FNDC3A: variants seen among roughly 807,000 people sequenced by gnomAD.
FNDC3A encodes fibronectin type III domain containing 3A.
FNDC3A carries 32 observed loss-of-function variants against 148.9 expected under a neutral mutation model. That is an observed-to-expected ratio of 0.21 (90% CI 0.16 to 0.29). The LOEUF (loss-of-function observed/expected upper bound fraction) is 0.29, where lower values mean the gene tolerates loss of function less well. Ranked by LOEUF, FNDC3A falls within the 10% of genes least tolerant of loss-of-function variation. The pLI is 1.00. For missense variants in FNDC3A, 1,191 were observed against 1,452.8 expected (o/e 0.82, Z 2.93); for synonymous variants, 472 against 473.6 (o/e 1.00, Z 0.04).
At chr13:49,114,082 A>G (rs1248530390) in intron 3 of FNDC3A, among the ~76,000 whole-genome samples, 1 of 152,086 alleles carries the variant, frequency 6.6e-6, no homozygotes, top group African/African-American at 2.4e-5. Flanking sequence ...CTTTGTTCTT[A>G]AGCCCCCATA....
chr13:49,107,854 AT>A (rs931964973), intron 3 of FNDC3A, among the ~76,000 whole-genome samples: 4 of 152,176 alleles, frequency 2.6e-5, no homozygotes, highest in Non-Finnish European at 5.9e-5. Context: ...ATTTATAAAC[AT>A]GCCAGTCTGA....
At chr13:49,199,571 C>T (rs1458726506) in intron 23 of FNDC3A, among the ~76,000 whole-genome samples, 1 of 152,072 alleles carries the variant, frequency 6.6e-6, no homozygotes, top group Non-Finnish European at 1.5e-5. Context: ...CCCGATCCAC[C>T]TGCCTCGACC....
chr13:49,011,226 TC>T (rs1263750763), intron 2 of FNDC3A, among the ~76,000 whole-genome samples: 1 of 135,828 alleles, frequency 7.4e-6, no homozygotes, highest in East Asian at 2.1e-4. Context: ...CTTTTCACTC[TC>T]TTTGATGTCT....
intron 19 of FNDC3A, among the ~76,000 whole-genome samples, chr13:49,193,617 TATACTATTAAATGAC>T (rs1253992350): frequency 6.6e-6 from 1 of 152,318 alleles, no homozygotes; most frequent in East Asian, 1.9e-4. Flanking sequence ...TCTGTAAGTC[TATACTATTAAATGAC>T]ATATTGGCCA....
intron 3 of FNDC3A, among the ~76,000 whole-genome samples, chr13:49,104,699 A>G (rs897889387): frequency 1.4e-4 from 21 of 152,318 alleles, no homozygotes; most frequent in African/African-American, 4.8e-4. Context: ...AGTAAGAGAC[A>G]TGTCCTAGGG....
chr13:49,204,953 T>C (rs1280338691), intron 25 of FNDC3A, among the ~76,000 whole-genome samples: 1 of 152,162 alleles, frequency 6.6e-6, no homozygotes, highest in Non-Finnish European at 1.5e-5. Flanking sequence ...AATTCTTAGA[T>C]GAATTTTTTT....
chr13:49,200,765 A>C (rs1886385234), intron 23 of FNDC3A, among the ~76,000 whole-genome samples: 1 of 152,084 alleles, frequency 6.6e-6, no homozygotes, highest in African/African-American at 2.4e-5. Flanking sequence ...TGATACTGTT[A>C]AGTTTAATGC....
rs760213242 is a variant in FNDC3A, at chr13:49,198,000, G to A, written c.2509G>A (p.Ala837Thr). The A allele has an allele frequency of 4.3e-6, 7 of 1,613,946 alleles. No individual in the cohort carries two copies. Among genetic ancestry groups the A allele is most frequent in the Middle Eastern group, 1.7e-4 (1 of 6,060 alleles). The change falls in exon 22 of 26, where the codon GCA (alanine) becomes ACA (threonine). Residue 837 changes from alanine to threonine, a missense_variant. Physicochemically the swap from Ala to Thr is moderately conservative, Grantham distance 58. Coordinates refer to ENST00000492622, the MANE Select transcript of FNDC3A (RefSeq NM_001079673.2). Reference protein sequence around the residue: ...CRVQALSVVGAGPFSEVVACV... With the variant: ...CRVQALSVVGTGPFSEVVACV... ...TTTGTAGGCTCTGAGTGTTGTGGGTGCAGGCCCTTTCAGTGAAGTAGTAGC... is the reference window on the plus strand; with the variant it reads ...TTTGTAGGCTCTGAGTGTTGTGGGTACAGGCCCTTTCAGTGAAGTAGTAGC...
At chr13:49,106,967 A>C (rs181432998) in intron 3 of FNDC3A, among the ~76,000 whole-genome samples, 6 of 152,168 alleles carry the variant, frequency 3.9e-5, no homozygotes, top group Admixed American at 3.9e-4. Flanking sequence ...TTTTTGTAGG[A>C]AATTATTTTT....
At chr13:49,012,029 G>T (rs1428270162) in intron 2 of FNDC3A, among the ~76,000 whole-genome samples, 4 of 151,956 alleles carry the variant, frequency 2.6e-5, no homozygotes, top group Non-Finnish European at 5.9e-5. Context: ...TTGTTTTCCT[G>T]TTGCTCCACA....
At chr13:49,102,922 GATTTCTTC>G (rs1448711049) in intron 3 of FNDC3A, among the ~76,000 whole-genome samples, 2 of 152,032 alleles carry the variant, frequency 1.3e-5, no homozygotes, top group African/African-American at 4.8e-5. Context: ...CAGTTGTTTG[GATTTCTTC>G]ATAATATTTT....
intron 1 of FNDC3A, among the ~76,000 whole-genome samples, chr13:48,997,066 GAAAA>G (rs5803452): frequency 4.0e-5 from 4 of 99,570 alleles, no homozygotes; most frequent in Middle Eastern, 5.4e-3. Flanking sequence ...TCCGTCTCAA[GAAAA>G]AAAAAAAAAA....
chr13:49,166,789 G>C (rs564745694), intron 8 of FNDC3A, among the ~76,000 whole-genome samples: 5 of 152,202 alleles, frequency 3.3e-5, no homozygotes, highest in African/African-American at 1.2e-4. Context: ...TTCTCTCTTA[G>C]GTGATCTGTT....
At chr13:49,087,932 A>C (rs1878920358) in intron 3 of FNDC3A, among the ~76,000 whole-genome samples, 1 of 152,104 alleles carries the variant, frequency 6.6e-6, no homozygotes, top group Admixed American at 6.6e-5. Flanking sequence ...ATTTTTCTGT[A>C]GAAGAAAGGT....
At chr13:49,198,785 T>G (rs1019489364) in intron 23 of FNDC3A, among the ~76,000 whole-genome samples, 1 of 152,136 alleles carries the variant, frequency 6.6e-6, no homozygotes, top group Middle Eastern at 3.2e-3. Context: ...TTTATTTTAA[T>G]GAAGTAAGTT....
At chr13:49,133,590 T>A (rs1437579432) in intron 5 of FNDC3A, among the ~76,000 whole-genome samples, 1 of 152,242 alleles carries the variant, frequency 6.6e-6, no homozygotes, top group East Asian at 1.9e-4. Flanking sequence ...ACCTCCGTGA[T>A]GTCCTTTCCA....
At chr13:49,012,537 T>A (rs144620392) in intron 2 of FNDC3A, among the ~76,000 whole-genome samples, 73 of 152,196 alleles carry the variant, frequency 4.8e-4, no homozygotes, top group African/African-American at 1.7e-3. Flanking sequence ...AATTTTAGAA[T>A]TAGCTTATCA....
At chr13:49,018,193 G>A (rs1293420161) in intron 2 of FNDC3A, among the ~76,000 whole-genome samples, 1 of 152,088 alleles carries the variant, frequency 6.6e-6, no homozygotes, top group Non-Finnish European at 1.5e-5. Flanking sequence ...ATCCTGCAGA[G>A]TGTTTTCCAA....
chr13:49,004,046 A>T (rs1952175781), intron 1 of FNDC3A, among the ~76,000 whole-genome samples: 1 of 152,168 alleles, frequency 6.6e-6, no homozygotes, highest in Non-Finnish European at 1.5e-5. Context: ...AATTTACTCC[A>T]TGGATGTTAA....
Sources: gnomAD v4.1 joint callset for allele counts (sites outside exome capture counted in the v4.1 genomes callset) on GRCh38, gnomAD v4.1.1 for gene constraint, MANE v1.5 for transcripts, NCBI Gene and HGNC (gene_info 2026-07-23, HGNC 2026-07-21) for gene names.